Variants in STS observed in about 807,000 individuals in gnomAD.
STS encodes steroid sulfatase.
Under a neutral mutation model 26.8 loss-of-function variants are expected in STS, and 7 were observed. That is an observed-to-expected ratio of 0.26 (90% confidence interval 0.15 to 0.49). The LOEUF (loss-of-function observed/expected upper bound fraction) is 0.49, where lower values mean the gene tolerates loss of function less well. Ranked by LOEUF, STS falls within the 20% of genes least tolerant of loss-of-function variation. The pLI is 0.98. For missense variants in STS, 434 were observed against 465.6 expected, an observed-to-expected ratio of 0.93 and a Z score of 0.63; for synonymous variants, 199 against 189.4, an observed-to-expected ratio of 1.05 and a Z score of -0.42.
chrX:7,313,546 G>A (rs1369287949), intron 8 of STS, among the ~76,000 whole-genome samples: 1 of 112,424 alleles, frequency 8.9e-6, no homozygotes, highest in East Asian at 2.8e-4. Context: ...AGGCAAAGCT[G>A]CCTCTTCATG....
At chrX:7,179,450 T>C (rs1371732285) in intron 1 of STS, among the ~76,000 whole-genome samples, 1 of 112,279 alleles carries the variant, frequency 8.9e-6, no homozygotes, top group Non-Finnish European at 1.9e-5. Context: ...GGTAACTGGC[T>C]TTCTCTAGTC....
intron 2 of STS, chrX:7,219,424 G>C (rs1328090280): frequency 9.5e-7 from 1 of 1,047,125 alleles, no homozygotes; most frequent in Non-Finnish European, 1.2e-6. Context: ...ACTAGGCAAA[G>C]AGTGTCTCCG....
chrX:7,311,110 C>T (rs1369010476), intron 8 of STS, among the ~76,000 whole-genome samples: 2 of 111,045 alleles, frequency 1.8e-5, no homozygotes, highest in African/African-American at 6.6e-5. Context: ...ACTTTATTTT[C>T]TAAGTTTATC....
intron 1 of STS, among the ~76,000 whole-genome samples, chrX:7,160,748 T>C (rs1933224561): frequency 8.9e-6 from 1 of 112,041 alleles, no homozygotes; most frequent in African/African-American, 3.2e-5. Flanking sequence ...AAAGGATGAA[T>C]TTGAGAAGGA....
Position 7,253,340 on chromosome X carries a change from G to C in STS, c.137+4G>C. 1 of 1,211,346 alleles carries C rather than the reference G, an allele frequency of 8.3e-7. No homozygotes were observed. Among genetic ancestry groups the C allele is most frequent in the Non-Finnish European group, 1.1e-6 (1 of 895,330 alleles). On this transcript the variant is annotated splice_donor_region_variant and intron_variant, in intron 3 of 10. Transcript: ENST00000674429. ...GCTATGGGAACAAAACTATCAGGTT[G>C]GTAATGCAGCTCCTCAGTAAACACA...
chrX:7,292,530 A>G (rs1784659062), intron 7 of STS, among the ~76,000 whole-genome samples: 2 of 111,926 alleles, frequency 1.8e-5, no homozygotes, highest in Admixed American at 1.9e-4. Context: ...TACACATAAT[A>G]TGTAGCATAT....
intron 8 of STS, among the ~76,000 whole-genome samples, chrX:7,323,691 G>T (rs1243199750): frequency 2.7e-5 from 3 of 111,780 alleles, no homozygotes; most frequent in Admixed American, 9.5e-5. Flanking sequence ...TACAGGTAAA[G>T]GTATCTTTTT....
chrX:7,197,553 G>A lies in STS; in HGVS notation c.-5+6545G>A, dbSNP rs368478528. Among the ~76,000 whole-genome samples the A allele has an allele frequency of 5.4e-5, 6 of 112,114 alleles. No homozygotes were observed. In the East Asian group the frequency reaches 1.7e-3, roughly 31 times the overall value. On this transcript the variant is annotated intron_variant, in intron 2 of 10. Coordinates refer to ENST00000674429, the MANE Select transcript of STS (RefSeq NM_001320752.2). ...ATAGGATAAAAAAAGATCATGGGGT[G>A]ATGTGCTCTGCTACAAGTGTTTGTG...
rs143220502 is a variant in STS at position 7,175,179 on chromosome X, TAAAAAAAAAAAAAA to T, written c.-133-15689_-133-15676del. On this transcript the variant is annotated intron_variant, in intron 1 of 10. Transcript: ENST00000674429. ...CTTTTTCACATAGAATCTGAGCTGG[TAAAAAAAAAAAAAA>T]AAAAAAAAAAAGCCAGATGCAGTGA... 1.4e-4 allele frequency among the ~76,000 whole-genome samples: 6 copies of T among 42,086 alleles called. No homozygotes were observed. The Admixed American group carries it at 2.0e-3, about 14-fold the overall frequency. The allele number at this position is 42,086 out of a possible 115,157, so 36.5% of individuals were successfully genotyped here.
chrX:7,240,531 G>GTA (rs760692656), intron 2 of STS, among the ~76,000 whole-genome samples: 4,855 of 56,915 alleles, frequency 0.085, 178 homozygotes, highest in Middle Eastern at 0.11. Flanking sequence ...GTGTGTGTGT[G>GTA]TGTATATATA....
intron 8 of STS, among the ~76,000 whole-genome samples, chrX:7,308,169 G>A (rs1926306962): frequency 8.9e-6 from 1 of 111,922 alleles, no homozygotes; most frequent in Admixed American, 9.5e-5. Flanking sequence ...GGATAGAGTT[G>A]TTTTTATTTC....
At chrX:7,246,612 G>A (rs1425025104) in intron 2 of STS, among the ~76,000 whole-genome samples, 2 of 111,664 alleles carry the variant, frequency 1.8e-5, no homozygotes, top group Admixed American at 9.5e-5. Flanking sequence ...GGCCCTGGGA[G>A]AGACTTTCAA....
chrX:7,336,247 C>CA (rs1371053307), intron 10 of STS, among the ~76,000 whole-genome samples: 5 of 104,469 alleles, frequency 4.8e-5, no homozygotes, highest in African/African-American at 1.4e-4. Context: ...CTGCCCCCCC[C>CA]ACCCGCCCCA....
chrX:7,334,217 T>A, intron 10 of STS, 110 bp downstream of exon 10: 1 of 1,028,260 alleles, frequency 9.7e-7, no homozygotes, highest in Non-Finnish European at 1.4e-6. Context: ...GGCCAACAGG[T>A]GCCTCAATGT....
At chrX:7,203,517 G>A (rs115619762) in intron 2 of STS, among the ~76,000 whole-genome samples, 1,814 of 111,293 alleles carry the variant, frequency 0.016, 35 homozygotes, top group African/African-American at 0.053. Context: ...CATTTGAGGA[G>A]CATTGTGAAT....
At chrX:7,214,339 C>T (rs138146400) in intron 2 of STS, among the ~76,000 whole-genome samples, 2,706 of 111,509 alleles carry the variant, frequency 0.024, 51 homozygotes, top group African/African-American at 0.054. Flanking sequence ...AACCATTCCT[C>T]CAAAGCCTTC....
At position 7,254,985 on chromosome X, in the gene STS, C is replaced by T. The variant is rs1923337653; in HGVS notation, c.137+1649C>T. Among the ~76,000 whole-genome samples, 3 of 112,349 alleles carry T rather than the reference C, an allele frequency of 2.7e-5. No homozygotes were observed. The South Asian group carries it at 1.1e-3, about 41-fold the overall frequency. Reference sequence around the variant, plus strand: ...TGGTTATTTTCCTTCCATTCTCTTACTCCTCATCTTCTTTTTAACATGAGA... The same window carrying T: ...TGGTTATTTTCCTTCCATTCTCTTATTCCTCATCTTCTTTTTAACATGAGA... On this transcript the variant is annotated intron_variant, in intron 3 of 10. Coordinates refer to ENST00000674429, the MANE Select transcript of STS (RefSeq NM_001320752.2).
intron 2 of STS, among the ~76,000 whole-genome samples, chrX:7,194,750 G>A (rs1401311235): frequency 2.7e-5 from 3 of 112,081 alleles, no homozygotes; most frequent in Non-Finnish European, 5.6e-5. Context: ...TTGCATAGGC[G>A]TTTTTCAAAT....
At chrX:7,280,444 C>T (rs1165851765) in intron 7 of STS, among the ~76,000 whole-genome samples, 1 of 111,955 alleles carries the variant, frequency 8.9e-6, no homozygotes, top group Admixed American at 9.5e-5. Flanking sequence ...AATCATGGTG[C>T]TATTGCAAAG....
Sources: gnomAD v4.1 joint callset for allele counts (sites outside exome capture counted in the v4.1 genomes callset) on GRCh38, gnomAD v4.1.1 for gene constraint, MANE v1.5 for transcripts, NCBI Gene and HGNC (gene_info 2026-07-23, HGNC 2026-07-21) for gene names.